Variants in LUZP2 observed in about 807,000 individuals in gnomAD.
The protein encoded by LUZP2 is leucine zipper protein 2.
Under a neutral mutation model 51.6 loss-of-function variants are expected in LUZP2, and 52 were observed. The observed-to-expected ratio is 1.01, with a 90% confidence interval of 0.81 to 1.27. The LOEUF (loss-of-function observed/expected upper bound fraction) is 1.27. Among genes scored for constraint, LUZP2 ranks in the 50% most tolerant of loss-of-function variants. LUZP2 has a pLI of 0.00. For synonymous variants in LUZP2, 154 were observed against 137.3 expected (o/e 1.12, Z -0.85); for missense variants, 436 against 395.4 (o/e 1.10, Z -0.87).
intron 7 of LUZP2, among the ~76,000 whole-genome samples, chr11:24,948,737 G>A (rs1854974167): frequency 6.6e-6 from 1 of 151,592 alleles, no homozygotes; most frequent in South Asian, 2.1e-4. Flanking sequence ...GGGATAAGAA[G>A]ATCCAGAAGT....
At chr11:24,763,027 T>A in intron 4 of LUZP2, 4 of 713,052 alleles carry the variant, frequency 5.6e-6, no homozygotes, top group Non-Finnish European at 6.9e-6. Flanking sequence ...AAAAAAATAA[T>A]AAATAGTTTG....
At chr11:24,913,989 A>G (rs1388182817) in intron 6 of LUZP2, among the ~76,000 whole-genome samples, 1 of 152,108 alleles carries the variant, frequency 6.6e-6, no homozygotes, top group Non-Finnish European at 1.5e-5. Flanking sequence ...TAAAATGCAA[A>G]CAACATTCAG....
chr11:24,626,269 G>C (rs938964161), intron 1 of LUZP2, among the ~76,000 whole-genome samples: 1 of 152,060 alleles, frequency 6.6e-6, no homozygotes, highest in Non-Finnish European at 1.5e-5. Flanking sequence ...GAGTATCAGG[G>C]AAGAGCCTAT....
At chr11:24,626,044 A>T (rs1854669336) in intron 1 of LUZP2, among the ~76,000 whole-genome samples, 3 of 152,154 alleles carry the variant, frequency 2.0e-5, no homozygotes, top group Non-Finnish European at 2.9e-5. Context: ...TAATTTACTT[A>T]AGGTTTTCTG....
At chr11:24,760,890 C>T (rs1415255772) in intron 4 of LUZP2, among the ~76,000 whole-genome samples, 1 of 152,168 alleles carries the variant, frequency 6.6e-6, no homozygotes, top group Non-Finnish European at 1.5e-5. Flanking sequence ...ACTTCCTCTG[C>T]ATATTACTTA....
chr11:24,797,715 G>T (rs557624678), intron 5 of LUZP2, among the ~76,000 whole-genome samples: 5 of 152,212 alleles, frequency 3.3e-5, no homozygotes, highest in African/African-American at 1.2e-4. Flanking sequence ...ATTTCCTATT[G>T]CTAAGATAAC....
chr11:24,756,246 ATG>A (rs1859770579), intron 4 of LUZP2, among the ~76,000 whole-genome samples: 1 of 152,046 alleles, frequency 6.6e-6, no homozygotes, highest in Non-Finnish European at 1.5e-5. Flanking sequence ...TTAATTCCAC[ATG>A]TCTTCCTAAA....
At chr11:24,819,487 G>C (rs1190538742) in intron 5 of LUZP2, among the ~76,000 whole-genome samples, 1 of 152,054 alleles carries the variant, frequency 6.6e-6, no homozygotes. Flanking sequence ...AGACGTTTCT[G>C]TTGACGTATA....
chr11:24,709,902 G>T lies in LUZP2; in HGVS notation c.63-19267G>T, dbSNP rs4617584. Among the ~76,000 whole-genome samples the T allele has an allele frequency of 1.9e-3, 288 of 152,270 alleles. 1 individual carries two copies. The highest frequency in any genetic ancestry group is 0.012 in the East Asian group (60 of 5,168). ...CATGGATGAAAAAGTTAACTTTGGT[G>T]TCTGCCTTTCTCAGCTGTTTATCAG... On this transcript the variant is annotated intron_variant, in intron 1 of 11. Transcript: ENST00000336930.
intron 1 of LUZP2, among the ~76,000 whole-genome samples, chr11:24,564,530 A>G (rs1006010093): frequency 7.2e-5 from 11 of 152,146 alleles, no homozygotes; most frequent in African/African-American, 2.2e-4. Flanking sequence ...ATATTTTGAT[A>G]TAGAACCTTT....
chr11:24,535,036 G>T (rs150976810), intron 1 of LUZP2, among the ~76,000 whole-genome samples: 1 of 151,070 alleles, frequency 6.6e-6, no homozygotes, highest in South Asian at 2.1e-4. Flanking sequence ...TGCTTTCCCA[G>T]TACATATAGA....
intron 5 of LUZP2, among the ~76,000 whole-genome samples, chr11:24,898,048 A>G (rs923515269): frequency 6.6e-6 from 1 of 152,182 alleles, no homozygotes; most frequent in Non-Finnish European, 1.5e-5. Context: ...CTAGTAACAT[A>G]TAGTTGAATG....
At chr11:24,936,005 A>G (rs1298819302) in intron 7 of LUZP2, among the ~76,000 whole-genome samples, 1 of 152,174 alleles carries the variant, frequency 6.6e-6, no homozygotes, top group Non-Finnish European at 1.5e-5. Flanking sequence ...TCAAAAGCAT[A>G]TTTGTGAATT....
At chr11:24,629,543 C>A (rs985253394) in intron 1 of LUZP2, among the ~76,000 whole-genome samples, 3 of 83,404 alleles carry the variant, frequency 3.6e-5, no homozygotes, top group Non-Finnish European at 6.7e-5. Flanking sequence ...TATATATATT[C>A]CATTGCATAT....
chr11:25,024,562 A>T (rs1298278543), intron 9 of LUZP2, among the ~76,000 whole-genome samples: 2 of 152,160 alleles, frequency 1.3e-5, no homozygotes, highest in Non-Finnish European at 2.9e-5. Flanking sequence ...TTCAAAGAGG[A>T]TAAAATACCT....
At chr11:25,049,176 A>G (rs1858410516) in intron 9 of LUZP2, among the ~76,000 whole-genome samples, 1 of 152,124 alleles carries the variant, frequency 6.6e-6, no homozygotes, top group African/African-American at 2.4e-5. Flanking sequence ...CTCGACCCCT[A>G]ATGGATAGAA....
intron 1 of LUZP2, among the ~76,000 whole-genome samples, chr11:24,522,837 G>T (rs978239027): frequency 1.3e-5 from 2 of 151,886 alleles, no homozygotes; most frequent in African/African-American, 4.8e-5. Context: ...CTATAATTAC[G>T]ATTTGAAGTA....
At chr11:24,832,980 G>T (rs1258147952) in intron 5 of LUZP2, among the ~76,000 whole-genome samples, 2 of 152,076 alleles carry the variant, frequency 1.3e-5, no homozygotes, top group Non-Finnish European at 2.9e-5. Flanking sequence ...AAACTTTGTG[G>T]GTACTTTTGG....
At chr11:24,722,898 C>CT (rs997344984) in intron 1 of LUZP2, among the ~76,000 whole-genome samples, 14 of 150,888 alleles carry the variant, frequency 9.3e-5, no homozygotes, top group Admixed American at 8.6e-4. Flanking sequence ...ACCTGGGCAA[C>CT]AGAGTGAGAC....
Sources: gnomAD v4.1 joint callset for allele counts (sites outside exome capture counted in the v4.1 genomes callset) on GRCh38, gnomAD v4.1.1 for gene constraint, MANE v1.5 for transcripts, NCBI Gene and HGNC (gene_info 2026-07-23, HGNC 2026-07-21) for gene names.